Variants in TMTC2 observed in about 807,000 individuals in gnomAD.
TMTC2 encodes protein O-mannosyl-transferase TMTC2.
Under a neutral mutation model 82.4 loss-of-function variants are expected in TMTC2, and 43 were observed. That is an observed-to-expected ratio of 0.52 (90% CI 0.41 to 0.67). The LOEUF is 0.67. TMTC2 is among the 30% of genes least tolerant of loss of function. TMTC2 has a pLI of 0.00. For missense variants in TMTC2, 919 were observed against 1,012.4 expected, an observed-to-expected ratio of 0.91 and a Z score of 1.25; for synonymous variants, 408 against 381.9, an observed-to-expected ratio of 1.07 and a Z score of -0.80.
chr12:82,899,616 A>G (rs1651203036), intron 3 of TMTC2, among the ~76,000 whole-genome samples: 1 of 135,348 alleles, frequency 7.4e-6, no homozygotes, highest in Non-Finnish European at 1.5e-5. Context: ...ATATATATAT[A>G]TAAGAATATA....
intron 2 of TMTC2, among the ~76,000 whole-genome samples, chr12:82,884,339 T>G (rs1430554216): frequency 6.6e-6 from 1 of 152,166 alleles, no homozygotes; most frequent in East Asian, 1.9e-4. Context: ...CGCTATAGAG[T>G]GTCAGACAAA....
intron 2 of TMTC2, among the ~76,000 whole-genome samples, chr12:82,891,474 A>G (rs1285356375): frequency 6.6e-6 from 1 of 151,814 alleles, no homozygotes; most frequent in African/African-American, 2.4e-5. Context: ...ACGCCTGGCT[A>G]ATTTTGTATT....
intron 1 of TMTC2, among the ~76,000 whole-genome samples, chr12:82,838,610 G>A (rs1291375604): frequency 6.6e-6 from 1 of 152,152 alleles, no homozygotes; most frequent in South Asian, 2.1e-4. Flanking sequence ...ATCTTTATAT[G>A]TGTGAACCCC....
chr12:82,838,874 A>G (rs1012274559), intron 1 of TMTC2, among the ~76,000 whole-genome samples: 7 of 149,816 alleles, frequency 4.7e-5, no homozygotes, highest in Non-Finnish European at 5.9e-5. Context: ...TGAATTGCTG[A>G]TGGATGATTT....
chr12:82,881,128 G>A (rs547804242), intron 2 of TMTC2, among the ~76,000 whole-genome samples: 3 of 152,260 alleles, frequency 2.0e-5, no homozygotes, highest in Non-Finnish European at 4.4e-5. Flanking sequence ...ACAAAGGCTA[G>A]GCATGCTTTA....
chr12:83,086,578 C>T (rs1883665831), intron 11 of TMTC2, among the ~76,000 whole-genome samples: 1 of 152,070 alleles, frequency 6.6e-6, no homozygotes, highest in Non-Finnish European at 1.5e-5. Context: ...ATAAAAATGC[C>T]TCAAAGATAT....
chr12:82,844,534 G>A (rs1240580485), intron 1 of TMTC2, among the ~76,000 whole-genome samples: 1 of 152,140 alleles, frequency 6.6e-6, no homozygotes, highest in African/African-American at 2.4e-5. Flanking sequence ...GGGCGCAGTG[G>A]CTCAAGCCTG....
At chr12:82,860,382 A>C (rs890797966) in intron 2 of TMTC2, among the ~76,000 whole-genome samples, 1 of 152,226 alleles carries the variant, frequency 6.6e-6, no homozygotes, top group Non-Finnish European at 1.5e-5. Flanking sequence ...TGATGGAATC[A>C]CTAGGACTGA....
At chr12:83,000,516 G>T (rs930880470) in intron 8 of TMTC2, among the ~76,000 whole-genome samples, 1 of 152,172 alleles carries the variant, frequency 6.6e-6, no homozygotes, top group Non-Finnish European at 1.5e-5. Context: ...CAAGATGTGG[G>T]TTCCTCTGGT....
At chr12:82,798,807 C>CAAAAAAA (rs544522111) in intron 1 of TMTC2, among the ~76,000 whole-genome samples, 2,571 of 87,950 alleles carry the variant, frequency 0.029, 124 homozygotes, top group African/African-American at 0.11. Context: ...AACTCCGTCT[C>CAAAAAAA]AAAAAAAAAA....
rs570219888 is a variant in TMTC2, at chr12:82,772,888, G to C, written c.84-84122G>C. ...CAAATGGGAAAGTAGTGTCGGAGTGGGGGGAGACAGCTCTCTTTCCTAGGT... is the reference window on the plus strand; with the variant it reads ...CAAATGGGAAAGTAGTGTCGGAGTGCGGGGAGACAGCTCTCTTTCCTAGGT... On this transcript the variant is annotated intron_variant, in intron 1 of 11. Transcript: ENST00000321196. Among the ~76,000 whole-genome samples, 35 of 152,126 alleles carry C rather than the reference G, an allele frequency of 2.3e-4. 1 individual carries two copies. In the South Asian group the frequency reaches 6.7e-3, roughly 29 times the overall value.
chr12:83,040,940 T>C (rs1565865414), intron 9 of TMTC2, among the ~76,000 whole-genome samples: 1 of 152,076 alleles, frequency 6.6e-6, no homozygotes, highest in Non-Finnish European at 1.5e-5. Context: ...TGCCTCAGCC[T>C]CCCAAAGTGC....
chr12:83,112,419 G>C (rs1035555468), intron 11 of TMTC2, among the ~76,000 whole-genome samples: 2 of 152,098 alleles, frequency 1.3e-5, no homozygotes, highest in African/African-American at 4.8e-5. Context: ...ACATCTCTTA[G>C]ATGAACCAAA....
chr12:82,822,124 A>G (rs1869153061), intron 1 of TMTC2, among the ~76,000 whole-genome samples: 1 of 152,208 alleles, frequency 6.6e-6, no homozygotes, highest in African/African-American at 2.4e-5. Context: ...AGGGAAAACT[A>G]TGGAGGCAGT....
At chr12:83,107,264 T>C (rs758374467) in intron 11 of TMTC2, among the ~76,000 whole-genome samples, 23 of 152,348 alleles carry the variant, frequency 1.5e-4, no homozygotes, top group Non-Finnish European at 3.2e-4. Context: ...CCTTAGTCCA[T>C]TTTCTGTTGT....
chr12:82,770,228 A>G (rs1166569836), intron 1 of TMTC2, among the ~76,000 whole-genome samples: 1 of 152,210 alleles, frequency 6.6e-6, no homozygotes, highest in Non-Finnish European at 1.5e-5. Flanking sequence ...ATTTAATATA[A>G]TATGACTGTG....
rs915339501 is a variant in TMTC2, at chr12:83,134,130, G to A, written c.*1741G>A. On this transcript the variant is annotated 3_prime_UTR_variant, in exon 12 of 12. Coordinates refer to ENST00000321196, the MANE Select transcript of TMTC2 (RefSeq NM_152588.3). ...ATGGCATTAATAAGAAAGCCCTTCT[G>A]TAATATATATATTATTTTGTAAACA... 1 of 152,480 alleles carries A rather than the reference G, an allele frequency of 6.6e-6. No homozygotes were observed. The highest frequency in any genetic ancestry group is 1.5e-5 in the Non-Finnish European group (1 of 68,014). 9.4% of individuals were successfully genotyped at this position (152,480 alleles called of 1,614,324 possible). A position where few individuals can be genotyped will look rare whatever the true frequency, so the allele number is the denominator to read the frequency against.
chr12:83,050,696 GA>G (rs561331291), intron 9 of TMTC2, among the ~76,000 whole-genome samples: 4,785 of 150,304 alleles, frequency 0.032, 115 homozygotes, highest in Non-Finnish European at 0.051. Context: ...TTCTTTTTAA[GA>G]AAAAAAAATG....
intron 1 of TMTC2, among the ~76,000 whole-genome samples, chr12:82,734,404 C>T (rs1024482187): frequency 2.0e-5 from 3 of 152,132 alleles, no homozygotes; most frequent in Non-Finnish European, 4.4e-5. Context: ...TGGCCATCAC[C>T]AGAGGCCATG....
Sources: gnomAD v4.1 joint callset for allele counts (sites outside exome capture counted in the v4.1 genomes callset) on GRCh38, gnomAD v4.1.1 for gene constraint, MANE v1.5 for transcripts, NCBI Gene and HGNC (gene_info 2026-07-23, HGNC 2026-07-21) for gene names.